SCUBE3: variants seen among roughly 807,000 people sequenced by gnomAD.
SCUBE3 encodes signal peptide, CUB domain and EGF like domain containing 3.
In SCUBE3, 33 loss-of-function variants were observed where a neutral mutation model predicts 116.8. The observed-to-expected ratio is 0.28, with a 90% CI of 0.21 to 0.38. The LOEUF is 0.38. SCUBE3 is among the 10% of genes least tolerant of loss of function. The pLI is 1.00. For synonymous variants in SCUBE3, 418 were observed against 496.9 expected, an observed-to-expected ratio of 0.84 and a Z score of 2.11; for missense variants, 1,007 against 1,324.8, an observed-to-expected ratio of 0.76 and a Z score of 3.72.
Position 35,227,661 on chromosome 6 carries a change from T to A in SCUBE3, c.167T>A (p.Ile56Asn). ...CQNTPRSYKC[I>N]CKSGYTGDGK... ...AACACCCCGAGGTCATACAAGTGCA[T>A]CTGCAAGTCTGGCTACACAGGGGAC... Residue 56 changes from isoleucine to asparagine, a missense_variant, in exon 2 of 22, where the codon ATC becomes AAC. Coordinates refer to ENST00000274938, the MANE Select transcript of SCUBE3 (RefSeq NM_152753.4). The A allele has an allele frequency of 6.2e-7, 1 of 1,614,098 alleles. No homozygotes were observed. Among genetic ancestry groups the A allele is most frequent in the Non-Finnish European group, 8.5e-7 (1 of 1,179,994 alleles).
At chr6:35,225,252 G>C (rs2150290029) in intron 1 of SCUBE3, among the ~76,000 whole-genome samples, 1 of 152,338 alleles carries the variant, frequency 6.6e-6, no homozygotes, top group African/African-American at 2.4e-5. Flanking sequence ...AGGGGGAGGA[G>C]ATGGAGAATA....
Position 35,228,775 on chromosome 6 carries a change from C to T in SCUBE3, c.334+36C>T. On this transcript the variant is annotated intron_variant, in intron 3 of 21. Transcript: ENST00000274938. This position sits in a 1 kb window ranked among gnomAD's most constrained non-coding sequence, Gnocchi z 4.9. ...GAGAGGGGATTTGGTGGAGGGATGT[C>T]TTGTGGAGAAAGAGATCTTTTCAGC... The T allele has an allele frequency of 1.2e-6, 2 of 1,606,622 alleles. No individual in the cohort carries two copies. Among genetic ancestry groups the T allele is most frequent in the Non-Finnish European group, 1.7e-6 (2 of 1,173,374 alleles).
At chr6:35,248,428 A>G in intron 21 of SCUBE3, 128 bp from the exon 22 acceptor site, 1 of 826,110 alleles carries the variant, frequency 1.2e-6, no homozygotes, top group South Asian at 1.6e-5. Context: ...ATGGGAATCC[A>G]GAGTTGCCCT....
chr6:35,240,454 C>G lies in SCUBE3; in HGVS notation c.1033C>G (p.Arg345Gly), dbSNP rs200059981. ...TPGSFQCLCH[R>G]GYLLYGITHC... ...AGGAAGCTTCCAGTGTCTCTGCCATCGTGGCTACCTGTTGTATGGTATCAC... is the reference window on the plus strand; with the variant it reads ...AGGAAGCTTCCAGTGTCTCTGCCATGGTGGCTACCTGTTGTATGGTATCAC... Residue 345 changes from arginine to glycine, a missense_variant, in exon 9 of 22, where the codon CGT (arginine) becomes GGT (glycine). Arg to Gly is a moderately radical substitution (Grantham distance 125). This residue lies in a region of SCUBE3 where 214 missense variants were observed against 316.7 expected (regional missense o/e 0.68). Transcript: ENST00000274938. The surrounding 1 kb of genome is among the most constrained non-coding windows in gnomAD (Gnocchi z 4.6). 1 of 1,609,448 alleles carries G rather than the reference C, an allele frequency of 6.2e-7. No homozygotes were observed. The highest frequency in any genetic ancestry group is 8.5e-7 in the Non-Finnish European group (1 of 1,177,092).
In SCUBE3 at chr6:35,244,711, G is replaced by T; in HGVS notation, c.2301G>T (p.Met767Ile). ...TCCACCGCTGTATTCGCTGTGCCAT[G>T]GGCTCCTATCAGCCCGACTTCCGTC... ...TSIHRCIRCAMGSYQPDFRQN... is the reference protein window; with the variant it reads ...TSIHRCIRCAIGSYQPDFRQN... Residue 767 changes from methionine to isoleucine, a missense_variant, in exon 18 of 22, where the codon ATG (methionine) becomes ATT (isoleucine). By Grantham distance (10) the Met-to-Ile change is conservative (BLOSUM62 1). Coordinates refer to ENST00000274938, the MANE Select transcript of SCUBE3 (RefSeq NM_152753.4). The surrounding 1 kb of genome is among the most constrained non-coding windows in gnomAD (Gnocchi z 4.3). The T allele has an allele frequency of 6.2e-7, 1 of 1,614,106 alleles. No individual in the cohort carries two copies.
chr6:35,214,519 C>A lies in SCUBE3; in HGVS notation c.85+16C>A, dbSNP rs972503041. ...GCCGCGCAAGGTAAGGAAGGAGGGG[C>A]GCGCGGCCTGGGGGCTGTCCTGGCT... On this transcript the variant is annotated intron_variant, in intron 1 of 21. Transcript: ENST00000274938. The surrounding 1 kb of genome is among the most constrained non-coding windows in gnomAD (Gnocchi z 6.3). 1.4e-6 allele frequency: 2 copies of A among 1,452,072 alleles called. No homozygotes were observed. Among genetic ancestry groups the A allele is most frequent in the African/African-American group, 2.9e-5 (2 of 68,462 alleles). 89.9% of individuals were successfully genotyped at this position (1,452,072 alleles called of 1,614,324 possible). A position where few individuals can be genotyped will look rare whatever the true frequency, so the allele number is the denominator to read the frequency against.
intron 6 of SCUBE3, among the ~76,000 whole-genome samples, chr6:35,234,249 G>A (rs114716259): frequency 0.029 from 4,359 of 152,288 alleles, 128 homozygotes; most frequent in African/African-American, 0.063. Flanking sequence ...TGTGGGCATA[G>A]GTGTTTATGA....
chr6:35,226,718 T>A (rs1363615355), intron 1 of SCUBE3, among the ~76,000 whole-genome samples: 1 of 152,126 alleles, frequency 6.6e-6, no homozygotes, highest in Non-Finnish European at 1.5e-5. Context: ...GACCTCATGA[T>A]CCACCTGCCT....
chr6:35,247,484 C>A (rs575710836), intron 21 of SCUBE3, among the ~76,000 whole-genome samples: 35 of 149,802 alleles, frequency 2.3e-4, no homozygotes, highest in African/African-American at 7.6e-4. Context: ...ATAGAATTAT[C>A]CTTCATAAAT....
rs200040122 is a variant in SCUBE3, at chr6:35,227,592, G to A, written c.98G>A (p.Cys33Tyr). Residue 33 changes from cysteine (C) to tyrosine (Y), a missense_variant, in exon 2 of 22, where the codon TGT becomes TAT. Physicochemically the swap from Cys to Tyr is radical, Grantham distance 194. Coordinates refer to ENST00000274938, the MANE Select transcript of SCUBE3 (RefSeq NM_152753.4). ...CTGCCCCTGCCAGATGTGGATGAGT[G>A]TGTGGAGGGGACTGACAACTGCCAC... Reference protein sequence around the residue: ...YSKAAQDVDECVEGTDNCHID... With the variant: ...YSKAAQDVDEYVEGTDNCHID... 1 of 1,614,188 alleles carries A rather than the reference G, an allele frequency of 6.2e-7. No homozygotes were observed. Among genetic ancestry groups the A allele is most frequent in the Non-Finnish European group, 8.5e-7 (1 of 1,180,030 alleles).
At chr6:35,246,172 G>C (rs369274236) in intron 20 of SCUBE3, 34 bp from the exon 21 acceptor site, 4 of 1,611,512 alleles carry the variant, frequency 2.5e-6, no homozygotes, top group East Asian at 2.2e-5. Flanking sequence ...AAGAGCTCCC[G>C]CCCCTGAGCC....
intron 1 of SCUBE3, among the ~76,000 whole-genome samples, chr6:35,225,222 G>A (rs941936878): frequency 3.3e-5 from 5 of 152,194 alleles, no homozygotes; most frequent in African/African-American, 1.2e-4. Flanking sequence ...TCATGAGGAG[G>A]TATTATCATC....
intron 21 of SCUBE3, among the ~76,000 whole-genome samples, chr6:35,247,814 G>A (rs1330876572): frequency 1.3e-5 from 2 of 152,196 alleles, no homozygotes; most frequent in Non-Finnish European, 2.9e-5. Flanking sequence ...AATGCACAGT[G>A]CCTGGCACCT....
Position 35,214,351 on chromosome 6 carries a change from C to T in SCUBE3, c.-68C>T, listed in dbSNP as rs1782798322. 5 of 1,037,902 alleles carry T rather than the reference C, an allele frequency of 4.8e-6. No homozygotes were observed. Among genetic ancestry groups the T allele is most frequent in the Non-Finnish European group, 6.4e-6 (5 of 784,858 alleles). The allele number at this position is 1,037,902 out of a possible 1,614,324, so 64.3% of individuals were successfully genotyped here. ...CCTCCCCCTCCTGCGAGCTGGGATC[C>T]GGCCGGCTTCCGCCCTCCCCTGGCC... On this transcript the variant is annotated 5_prime_UTR_variant, in exon 1 of 22. Coordinates refer to ENST00000274938, the MANE Select transcript of SCUBE3 (RefSeq NM_152753.4). This position sits in a 1 kb window ranked among gnomAD's most constrained non-coding sequence, Gnocchi z 6.3.
intron 1 of SCUBE3, among the ~76,000 whole-genome samples, chr6:35,215,119 G>A (rs1215274936): frequency 1.3e-5 from 2 of 152,078 alleles, no homozygotes; most frequent in Non-Finnish European, 1.5e-5. Flanking sequence ...GCCTCTTTGG[G>A]GTGAAATCTC....
chr6:35,238,677 G>C (rs1783884778), intron 7 of SCUBE3, among the ~76,000 whole-genome samples: 1 of 152,202 alleles, frequency 6.6e-6, no homozygotes, highest in African/African-American at 2.4e-5. Context: ...TGTGTTAACT[G>C]TTATTACAGT....
chr6:35,243,355 C>A lies in SCUBE3; in HGVS notation c.1909+119C>A, dbSNP rs1432800837. 7 of 942,018 alleles carry A rather than the reference C, an allele frequency of 7.4e-6. No individual in the cohort carries two copies. The highest frequency in any genetic ancestry group is 9.7e-6 in the Non-Finnish European group (6 of 619,584). 58.4% of individuals were successfully genotyped at this position (942,018 alleles called of 1,614,324 possible). ...AAATTATGAGGCAGCCAGGATGCTC[C>A]TGCCCGCTGTCCTCCCTTCCTTGGT... is the stretch of plus-strand genomic sequence containing the variant. On this transcript the variant is annotated intron_variant, in intron 15 of 21. Coordinates refer to ENST00000274938, the MANE Select transcript of SCUBE3 (RefSeq NM_152753.4). The surrounding 1 kb of genome is among the most constrained non-coding windows in gnomAD (Gnocchi z 6.6).
In SCUBE3 at chr6:35,239,981, A is replaced by T; in HGVS notation, c.952+107A>T. On this transcript the variant is annotated intron_variant, in intron 8 of 21. Coordinates refer to ENST00000274938, the MANE Select transcript of SCUBE3 (RefSeq NM_152753.4). The surrounding 1 kb of genome is among the most constrained non-coding windows in gnomAD (Gnocchi z 4.1). ...TAGAAACTCAATAGATATCACACAG[A>T]GTCTCTAGAGGCAGTGTCATCCTGC... The T allele has an allele frequency of 4.2e-6, 4 of 960,880 alleles. No individual in the cohort carries two copies. The highest frequency in any genetic ancestry group is 1.5e-6 in the Non-Finnish European group (1 of 669,796). The allele number at this position is 960,880 out of a possible 1,614,324, so 59.5% of individuals were successfully genotyped here. A position where few individuals can be genotyped will look rare whatever the true frequency, so the allele number is the denominator to read the frequency against.
chr6:35,248,458 G>A (rs541397615), intron 21 of SCUBE3, 98 bp from the exon 22 acceptor site: 217 of 1,134,350 alleles, frequency 1.9e-4, no homozygotes, highest in Non-Finnish European at 2.6e-4. Flanking sequence ...TTCAGTATAG[G>A]ATGCCTAGTA....
Sources: allele counts gnomAD v4.1 joint callset (sites outside exome capture counted in the v4.1 genomes callset), GRCh38; gene constraint gnomAD v4.1.1; regional missense constraint gnomAD v4.1.1; non-coding constraint Gnocchi (gnomAD v3.1); transcripts MANE v1.5; gene names NCBI Gene and HGNC (gene_info 2026-07-23, HGNC 2026-07-21).